The following RORA variants were observed in gnomAD, a reference collection of about 807,000 sequenced individuals.
RORA encodes the protein nuclear receptor ROR-alpha.
Under a neutral mutation model 69.5 loss-of-function variants are expected in RORA, and 7 were observed. That is an observed-to-expected ratio of 0.10 (90% CI 0.06 to 0.19). The LOEUF is 0.19. RORA is among the 10% of genes least tolerant of loss of function. The pLI, the probability that RORA is intolerant of heterozygous loss-of-function variation, is 1.00. For missense variants in RORA, 457 were observed against 663.0 expected, an observed-to-expected ratio of 0.69 and a Z score of 3.41; for synonymous variants, 261 against 240.8, an observed-to-expected ratio of 1.08 and a Z score of -0.78.
At chr15:60,576,942 T>C (rs1295167171) in intron 2 of RORA, among the ~76,000 whole-genome samples, 1 of 152,218 alleles carries the variant, frequency 6.6e-6, no homozygotes, top group Non-Finnish European at 1.5e-5. Context: ...ACAGCCATCA[T>C]TTACTAGTAC....
At chr15:60,639,895 A>G (rs990075705) in intron 2 of RORA, among the ~76,000 whole-genome samples, 1 of 152,190 alleles carries the variant, frequency 6.6e-6, no homozygotes, top group Non-Finnish European at 1.5e-5. Context: ...TAAAGCATCA[A>G]TAATTTGCAA....
intron 1 of RORA, among the ~76,000 whole-genome samples, chr15:60,871,289 G>A (rs1391126541): frequency 6.6e-6 from 1 of 151,994 alleles, no homozygotes; most frequent in African/African-American, 2.4e-5. Flanking sequence ...AACTCCTCAA[G>A]GGCACTTAAG....
At chr15:60,667,106 C>T (rs1230394689) in intron 2 of RORA, among the ~76,000 whole-genome samples, 1 of 152,148 alleles carries the variant, frequency 6.6e-6, no homozygotes, top group Non-Finnish European at 1.5e-5. Context: ...TTAGCCAAGA[C>T]AGATTTTTAT....
At chr15:61,045,393 T>A (rs1896970856) in intron 1 of RORA, among the ~76,000 whole-genome samples, 1 of 152,222 alleles carries the variant, frequency 6.6e-6, no homozygotes, top group Non-Finnish European at 1.5e-5. Flanking sequence ...GCACTCAGTC[T>A]CGGGAATACC....
At chr15:60,642,736 A>T (rs1478890228) in intron 2 of RORA, among the ~76,000 whole-genome samples, 3 of 152,168 alleles carry the variant, frequency 2.0e-5, no homozygotes, top group Admixed American at 2.0e-4. Context: ...TTTAAAAATT[A>T]GCCAAGTGTG....
intron 1 of RORA, among the ~76,000 whole-genome samples, chr15:61,038,111 A>G (rs907219335): frequency 1.3e-5 from 2 of 152,234 alleles, no homozygotes; most frequent in African/African-American, 2.4e-5. Flanking sequence ...TTCTTCAAAG[A>G]GAGAAAGAGT....
At chr15:60,641,902 A>G (rs1450291952) in intron 2 of RORA, among the ~76,000 whole-genome samples, 2 of 152,218 alleles carry the variant, frequency 1.3e-5, no homozygotes, top group African/African-American at 4.8e-5. Flanking sequence ...TTGCATGTCA[A>G]GTATTTGTAT....
chr15:60,831,330 G>A (rs1247286504), intron 1 of RORA, among the ~76,000 whole-genome samples: 2 of 152,194 alleles, frequency 1.3e-5, no homozygotes, highest in East Asian at 1.9e-4. Context: ...CCTCGCAGGG[G>A]TCACCCTCAC....
chr15:60,683,347 C>T (rs553788618), intron 1 of RORA, among the ~76,000 whole-genome samples: 11 of 152,104 alleles, frequency 7.2e-5, no homozygotes, highest in Non-Finnish European at 1.6e-4. Flanking sequence ...GTTCATCAAC[C>T]AATGGCTCCT....
rs531979907 is a variant in RORA at position 60,723,374 on chromosome 15, C to G, written c.167-44688G>C. 5.5e-5 allele frequency among the ~76,000 whole-genome samples: 8 copies of G among 144,240 alleles called. No homozygotes were observed. The East Asian group carries it at 1.6e-3, about 29-fold the overall frequency. 94.6% of individuals were successfully genotyped at this position (144,240 alleles called of 152,430 possible). ...TTGACAAATGTGATCCTATCAAAAC[C>G]ATTCCCCCCCCCACTCACATAAAAT... On this transcript the variant is annotated intron_variant, in intron 1 of 10. Coordinates refer to ENST00000335670, the MANE Select transcript of RORA (RefSeq NM_134261.3).
chr15:60,630,421 T>C (rs1015212408), intron 2 of RORA: 1 of 152,226 alleles, frequency 6.6e-6, no homozygotes, highest in African/African-American at 2.4e-5. Context: ...GGCTGAACTC[T>C]GCTATTTTTC....
intron 1 of RORA, among the ~76,000 whole-genome samples, chr15:60,774,235 G>C (rs1018201264): frequency 6.6e-6 from 1 of 152,204 alleles, no homozygotes; most frequent in African/African-American, 2.4e-5. Context: ...GTTGGCTTTT[G>C]TCAGAGCATC....
At chr15:60,724,815 G>T (rs1355662614) in intron 1 of RORA, among the ~76,000 whole-genome samples, 2 of 152,122 alleles carry the variant, frequency 1.3e-5, no homozygotes, top group African/African-American at 4.8e-5. Flanking sequence ...ATGAATGAGG[G>T]TCCCACCACT....
intron 1 of RORA, among the ~76,000 whole-genome samples, chr15:60,994,719 G>A (rs7167942): frequency 0.43 from 64,853 of 152,038 alleles, 15,364 homozygotes; most frequent in African/African-American, 0.63. Flanking sequence ...ATGGTGAGAG[G>A]GCACTGTAGG....
At chr15:61,186,103 T>C (rs1444962651) in intron 1 of RORA, among the ~76,000 whole-genome samples, 1 of 152,232 alleles carries the variant, frequency 6.6e-6, no homozygotes. Context: ...GTCTGCAAAA[T>C]ACAATCTGTT....
At chr15:60,665,875 A>G (rs2070372208) in intron 2 of RORA, among the ~76,000 whole-genome samples, 1 of 152,092 alleles carries the variant, frequency 6.6e-6, no homozygotes, top group Non-Finnish European at 1.5e-5. Context: ...GGGTTTCCCC[A>G]TGTTGGCCGG....
At chr15:60,821,191 T>G in intron 1 of RORA, among the ~76,000 whole-genome samples, 1 of 152,198 alleles carries the variant, frequency 6.6e-6, no homozygotes, top group Non-Finnish European at 1.5e-5. Flanking sequence ...ATGCCTCCAG[T>G]GCCTCCAGGT....
intron 1 of RORA, among the ~76,000 whole-genome samples, chr15:60,850,407 G>A (rs80192543): frequency 0.07 from 10,601 of 152,150 alleles, 534 homozygotes; most frequent in Non-Finnish European, 0.11. Context: ...ATGTTTAAGC[G>A]GGGGGTCAGA....
At chr15:61,080,281 T>C (rs1211029374) in intron 1 of RORA, among the ~76,000 whole-genome samples, 6 of 152,154 alleles carry the variant, frequency 3.9e-5, no homozygotes, top group Admixed American at 3.9e-4. Flanking sequence ...CGTCCTGAAA[T>C]TCCCACCTGA....
Sources: allele counts gnomAD v4.1 joint callset (sites outside exome capture counted in the v4.1 genomes callset), GRCh38; gene constraint gnomAD v4.1.1; transcripts MANE v1.5; gene names NCBI Gene and HGNC (gene_info 2026-07-23, HGNC 2026-07-21).